CELF4: variants seen among roughly 807,000 people sequenced by gnomAD.
CELF4 encodes the protein CUG-BP- and ETR-3-like factor 4.
In CELF4, 18 loss-of-function variants were observed where a neutral mutation model predicts 59.9. The ratio of observed to expected loss-of-function variants is 0.30; its 90% confidence interval spans 0.21 to 0.45. CELF4 has a LOEUF of 0.45. Ranked by LOEUF, CELF4 falls within the 20% of genes least tolerant of loss-of-function variation. CELF4 has a pLI of 1.00. For missense variants in CELF4, 456 were observed against 689.0 expected (o/e 0.66, Z 3.79); for synonymous variants, 261 against 267.1 (o/e 0.98, Z 0.22).
intron 2 of CELF4, among the ~76,000 whole-genome samples, chr18:37,418,974 G>T (rs113736758): frequency 0.017 from 2,540 of 152,286 alleles, 77 homozygotes; most frequent in African/African-American, 0.059. Context: ...GTCTAGCATA[G>T]GTGCACATGG....
intron 2 of CELF4, among the ~76,000 whole-genome samples, chr18:37,378,096 C>T (rs565991784): frequency 3.9e-5 from 6 of 152,276 alleles, no homozygotes; most frequent in South Asian, 2.1e-4. Flanking sequence ...CTGTAAGACA[C>T]GAAAGAGAGC....
At position 37,243,179 on chromosome 18, in the gene CELF4, T is replaced by TC. The variant is rs1311356128; in HGVS notation, c.*2062_*2063insG. On this transcript the variant is annotated 3_prime_UTR_variant, in exon 13 of 13. Coordinates refer to ENST00000420428, the MANE Select transcript of CELF4 (RefSeq NM_020180.4). ...CTGCAGCTGTTTTCTTTTTTTTTTCTTTTTTTCTTTTTTTTTTTTTTTTTT... is the reference window on the plus strand; with the variant it reads ...CTGCAGCTGTTTTCTTTTTTTTTTCTCTTTTTTCTTTTTTTTTTTTTTTTTT... 11 of 139,240 alleles carry TC rather than the reference T, an allele frequency of 7.9e-5. No homozygotes were observed. The highest frequency in any genetic ancestry group is 2.6e-4 in the African/African-American group (9 of 34,472). The allele number at this position is 139,240 out of a possible 1,614,324, so 8.6% of individuals were successfully genotyped here. A position where few individuals can be genotyped will look rare whatever the true frequency, so the allele number is the denominator to read the frequency against.
intron 2 of CELF4, among the ~76,000 whole-genome samples, chr18:37,353,819 T>G (rs1458724164): frequency 4.1e-5 from 6 of 147,442 alleles, no homozygotes; most frequent in Admixed American, 1.4e-4. Flanking sequence ...TGCAGTGGCG[T>G]GATCTCGGCT....
chr18:37,366,745 C>T (rs1339450518), intron 2 of CELF4, among the ~76,000 whole-genome samples: 1 of 152,146 alleles, frequency 6.6e-6, no homozygotes, highest in African/African-American at 2.4e-5. Context: ...AAGTAGCATC[C>T]TTGGGGTCAC....
At chr18:37,475,887 A>G (rs1006938287) in intron 2 of CELF4, among the ~76,000 whole-genome samples, 3 of 151,944 alleles carry the variant, frequency 2.0e-5, no homozygotes, top group Non-Finnish European at 4.4e-5. Flanking sequence ...TACATACACA[A>G]CCAACTTCTG....
intron 1 of CELF4, among the ~76,000 whole-genome samples, chr18:37,540,688 A>G (rs1466016264): frequency 2.6e-5 from 4 of 152,180 alleles, no homozygotes; most frequent in Non-Finnish European, 5.9e-5. Flanking sequence ...GCTGCGTGGA[A>G]TGCAACCTTG....
At chr18:37,556,530 TTG>T (rs944015583) in intron 1 of CELF4, among the ~76,000 whole-genome samples, 2 of 152,170 alleles carry the variant, frequency 1.3e-5, no homozygotes, top group African/African-American at 2.4e-5. Context: ...CTTTTTGTGC[TTG>T]TGTGTGTTTG....
At chr18:37,434,018 C>A (rs2099680254) in intron 2 of CELF4, among the ~76,000 whole-genome samples, 2 of 152,184 alleles carry the variant, frequency 1.3e-5, no homozygotes, top group Non-Finnish European at 2.9e-5. Context: ...TTGAGTGCTC[C>A]CTACACCTAA....
intron 2 of CELF4, among the ~76,000 whole-genome samples, chr18:37,456,871 C>T (rs1015480515): frequency 6.6e-6 from 1 of 152,120 alleles, no homozygotes; most frequent in Non-Finnish European, 1.5e-5. Flanking sequence ...TGAGACCACA[C>T]CTCGGGAACT....
intron 2 of CELF4, among the ~76,000 whole-genome samples, chr18:37,353,228 A>AT (rs1358191635): frequency 1.9e-5 from 2 of 103,758 alleles, no homozygotes; most frequent in African/African-American, 8.1e-5. Flanking sequence ...CTCAAAAAAA[A>AT]AAAAAATATA....
At chr18:37,549,804 T>A (rs1422182011) in intron 1 of CELF4, among the ~76,000 whole-genome samples, 1 of 152,200 alleles carries the variant, frequency 6.6e-6, no homozygotes, top group Admixed American at 6.5e-5. Flanking sequence ...AACACTTTTA[T>A]ATATAGGTTA....
intron 2 of CELF4, among the ~76,000 whole-genome samples, chr18:37,344,153 G>A (rs1052226042): frequency 2.0e-5 from 3 of 152,184 alleles, no homozygotes; most frequent in Admixed American, 6.5e-5. Flanking sequence ...AGCCTTCCTC[G>A]AGAGGTTGAG....
chr18:37,517,544 T>C (rs559237511), intron 1 of CELF4, among the ~76,000 whole-genome samples: 120 of 152,232 alleles, frequency 7.9e-4, no homozygotes, highest in African/African-American at 2.8e-3. Flanking sequence ...CTGAAAGTCA[T>C]ATGTGTGGGA....
chr18:37,364,084 C>A (rs1035735302), intron 2 of CELF4, among the ~76,000 whole-genome samples: 9 of 152,328 alleles, frequency 5.9e-5, no homozygotes, highest in Non-Finnish European at 1.3e-4. Flanking sequence ...TATGCAATAC[C>A]TTGTCCTCAG....
At chr18:37,505,129 G>A (rs2099936298) in intron 1 of CELF4, among the ~76,000 whole-genome samples, 1 of 152,206 alleles carries the variant, frequency 6.6e-6, no homozygotes, top group Non-Finnish European at 1.5e-5. Context: ...AGGAGAAGCA[G>A]GGGCAGGGGG....
intron 3 of CELF4, among the ~76,000 whole-genome samples, chr18:37,307,751 C>T (rs957995076): frequency 6.7e-6 from 1 of 149,272 alleles, no homozygotes; most frequent in African/African-American, 2.5e-5. Context: ...GAAGGCCAGA[C>T]CTGGCTGCCC....
chr18:37,444,018 CTACG>C (rs1177012506), intron 2 of CELF4, among the ~76,000 whole-genome samples: 1 of 152,206 alleles, frequency 6.6e-6, no homozygotes, highest in Non-Finnish European at 1.5e-5. Context: ...CTCAGCACTG[CTACG>C]TACTGGCTGT....
intron 2 of CELF4, among the ~76,000 whole-genome samples, chr18:37,478,289 T>A (rs892930556): frequency 6.6e-6 from 1 of 152,154 alleles, no homozygotes; most frequent in African/African-American, 2.4e-5. Context: ...ACCACGTGGC[T>A]TGTTGGTGGC....
At chr18:37,559,587 T>C (rs2099985934) in intron 1 of CELF4, among the ~76,000 whole-genome samples, 2 of 152,270 alleles carry the variant, frequency 1.3e-5, no homozygotes, top group South Asian at 4.1e-4. Context: ...AGCCTACTTA[T>C]TCCAGATTCT....
Sources: gnomAD v4.1 joint callset for allele counts (sites outside exome capture counted in the v4.1 genomes callset) on GRCh38, gnomAD v4.1.1 for gene constraint, MANE v1.5 for transcripts, NCBI Gene and HGNC (gene_info 2026-07-23, HGNC 2026-07-21) for gene names.